EYS: variants seen among roughly 807,000 people sequenced by gnomAD.
EYS encodes protein eyes shut homolog.
A neutral mutation model predicts 282.1 loss-of-function variants in EYS; 250 were observed. That is an observed-to-expected ratio of 0.89 (90% CI 0.80 to 0.98). The LOEUF is 0.98. Ranked by LOEUF, EYS falls within the 50% of genes least tolerant of loss-of-function variation. The pLI, the probability that EYS is intolerant of heterozygous loss-of-function variation, is 0.00. For synonymous variants in EYS, 1,355 were observed against 1,282.9 expected, an observed-to-expected ratio of 1.06 and a Z score of -1.20; for missense variants, 4,016 against 3,709.0, an observed-to-expected ratio of 1.08 and a Z score of -2.15.
intron 15 of EYS, among the ~76,000 whole-genome samples, chr6:64,927,975 G>A (rs909222356): frequency 5.9e-5 from 9 of 152,088 alleles, no homozygotes; most frequent in Middle Eastern, 3.4e-3. Context: ...AACTGTGAAT[G>A]GGGCACAAGA....
At chr6:64,027,076 A>G (rs1331864777) in intron 33 of EYS, among the ~76,000 whole-genome samples, 1 of 152,192 alleles carries the variant, frequency 6.6e-6, no homozygotes, top group Non-Finnish European at 1.5e-5. Flanking sequence ...CTGGTATCTT[A>G]GTCGAGTAAA....
At chr6:64,848,958 T>C (rs1765800504) in intron 19 of EYS, among the ~76,000 whole-genome samples, 1 of 152,078 alleles carries the variant, frequency 6.6e-6, no homozygotes, top group African/African-American at 2.4e-5. Context: ...AATACCCTAA[T>C]ATTTTTATGC....
At chr6:65,291,092 A>G (rs1255294096) in intron 12 of EYS, among the ~76,000 whole-genome samples, 3 of 151,612 alleles carry the variant, frequency 2.0e-5, no homozygotes, top group Non-Finnish European at 4.4e-5. Flanking sequence ...TCTAGAAATA[A>G]TAAGAAAAGT....
intron 12 of EYS, among the ~76,000 whole-genome samples, chr6:65,180,188 G>A (rs1316556340): frequency 1.3e-5 from 2 of 152,002 alleles, no homozygotes; most frequent in African/African-American, 2.4e-5. Context: ...TCAACATACT[G>A]TTGGAAGTTC....
At chr6:65,246,974 C>T (rs1000990901) in intron 12 of EYS, among the ~76,000 whole-genome samples, 1 of 152,018 alleles carries the variant, frequency 6.6e-6, no homozygotes, top group African/African-American at 2.4e-5. Flanking sequence ...ATCTCTATTT[C>T]TGGTATTGTT....
chr6:64,107,443 C>A (rs1488616123), intron 31 of EYS, among the ~76,000 whole-genome samples: 3 of 151,412 alleles, frequency 2.0e-5, no homozygotes, highest in Admixed American at 6.6e-5. Context: ...TGTTTGAGGG[C>A]AGGAAGCATC....
chr6:64,696,306 G>T (rs187526933), intron 22 of EYS, among the ~76,000 whole-genome samples: 1 of 152,210 alleles, frequency 6.6e-6, no homozygotes, highest in Admixed American at 6.5e-5. Flanking sequence ...TTTATCCAAT[G>T]AGACAAAATG....
At chr6:65,039,143 G>C (rs1772855331) in intron 13 of EYS, among the ~76,000 whole-genome samples, 1 of 151,222 alleles carries the variant, frequency 6.6e-6, no homozygotes, top group African/African-American at 2.4e-5. Flanking sequence ...ATAGTTTTAG[G>C]TTTTACATAG....
intron 37 of EYS, among the ~76,000 whole-genome samples, chr6:63,798,401 A>G (rs951390322): frequency 7.2e-5 from 11 of 152,238 alleles, no homozygotes; most frequent in African/African-American, 2.7e-4. Context: ...TGAGGTTCTC[A>G]GGAAGAAAAT....
intron 5 of EYS, among the ~76,000 whole-genome samples, chr6:65,412,308 A>G (rs1174355873): frequency 6.6e-6 from 1 of 152,164 alleles, no homozygotes. Context: ...AGCTACCACG[A>G]ATATTAATAT....
intron 36 of EYS, 27 bp from the exon 37 acceptor site, chr6:63,806,399 T>TA (rs1770910156): frequency 6.6e-7 from 1 of 1,504,016 alleles, no homozygotes; most frequent in African/African-American, 1.4e-5. Flanking sequence ...ACCAAACAGT[T>TA]AAAATAAACC....
chr6:65,613,171 A>G (rs1766061568), intron 2 of EYS, among the ~76,000 whole-genome samples: 1 of 151,942 alleles, frequency 6.6e-6, no homozygotes, highest in South Asian at 2.1e-4. Flanking sequence ...TATGAATATA[A>G]CAGTACATGC....
At chr6:64,599,983 CA>C (rs1766711300) in intron 24 of EYS, among the ~76,000 whole-genome samples, 1 of 152,138 alleles carries the variant, frequency 6.6e-6, no homozygotes, top group Admixed American at 6.6e-5. Context: ...TCTATTATCT[CA>C]ATGACTTTAC....
chr6:65,097,557 T>C (rs1034544634), intron 12 of EYS, among the ~76,000 whole-genome samples: 1 of 150,902 alleles, frequency 6.6e-6, no homozygotes, highest in African/African-American at 2.4e-5. Flanking sequence ...TCATGTTCAT[T>C]TCAGTATTAT....
intron 11 of EYS, among the ~76,000 whole-genome samples, chr6:65,297,515 G>A (rs182489277): frequency 6.6e-5 from 10 of 152,092 alleles, no homozygotes; most frequent in Non-Finnish European, 1.3e-4. Flanking sequence ...GGTAGGAAGT[G>A]TAGTGGATGC....
intron 41 of EYS, among the ~76,000 whole-genome samples, chr6:63,747,745 G>C (rs1170169034): frequency 6.6e-6 from 1 of 152,014 alleles, no homozygotes; most frequent in Non-Finnish European, 1.5e-5. Flanking sequence ...TTTCAAGTCT[G>C]TTTTATCAGA....
chr6:64,343,972 C>T (rs1491004199), intron 29 of EYS, among the ~76,000 whole-genome samples: 3 of 152,084 alleles, frequency 2.0e-5, no homozygotes, highest in Admixed American at 6.6e-5. Context: ...TGGATAAATT[C>T]CTGGACACAT....
chr6:64,145,134 ATG>A (rs1774468007), intron 31 of EYS, among the ~76,000 whole-genome samples: 1 of 152,166 alleles, frequency 6.6e-6, no homozygotes, highest in Admixed American at 6.6e-5. Context: ...ATTTTACAGA[ATG>A]TTGTTACCTT....
chr6:64,369,850 G>T (rs771040850), intron 29 of EYS, among the ~76,000 whole-genome samples: 2 of 151,940 alleles, frequency 1.3e-5, no homozygotes, highest in Admixed American at 6.6e-5. Flanking sequence ...TGTTGTATAG[G>T]ACTGCTACTG....
Sources: allele counts gnomAD v4.1 joint callset (sites outside exome capture counted in the v4.1 genomes callset), GRCh38; gene constraint gnomAD v4.1.1; transcripts MANE v1.5; gene names NCBI Gene and HGNC (gene_info 2026-07-23, HGNC 2026-07-21).